The following TRAP1 variants were observed in gnomAD, a reference collection of about 807,000 sequenced individuals.
TRAP1 encodes TNF receptor associated protein 1.
Under a neutral mutation model 89.1 loss-of-function variants are expected in TRAP1, and 102 were observed. The ratio of observed to expected loss-of-function variants is 1.15; its 90% confidence interval spans 0.98 to 1.35. TRAP1 has a LOEUF of 1.35. Among genes scored for constraint, TRAP1 ranks in the 40% most tolerant of loss-of-function variants. TRAP1 has a pLI of 0.00. For synonymous variants in TRAP1, 508 were observed against 388.0 expected (o/e 1.31, Z -3.64); for missense variants, 1,256 against 945.3 (o/e 1.33, Z -4.31).
rs1200392201 is a variant in TRAP1, at chr16:3,676,024, G to A, written c.814+12C>T. On this transcript the variant is annotated intron_variant, in intron 7 of 17. Coordinates refer to ENST00000246957, the MANE Select transcript of TRAP1 (RefSeq NM_016292.3). ...GATCCCAGAGTGAGCCTGGGCCCGG[G>A]CTCCCGCTCACCTCGCACCCGGGCC... 2.5e-6 allele frequency: 4 copies of A among 1,607,416 alleles called. No individual in the cohort carries two copies. Among genetic ancestry groups the A allele is most frequent in the Non-Finnish European group, 3.4e-6 (4 of 1,176,344 alleles).
Position 3,676,026 on chromosome 16 carries a change from T to TC in TRAP1, c.814+9dup, listed in dbSNP as rs750698692. The TC allele has an allele frequency of 2.5e-6, 4 of 1,608,744 alleles. No homozygotes were observed. The highest frequency in any genetic ancestry group is 1.8e-4 in the Middle Eastern group (1 of 5,696). ...TCCCAGAGTGAGCCTGGGCCCGGGC[T>TC]CCCGCTCACCTCGCACCCGGGCCTC... On this transcript the variant is annotated intron_variant, in intron 7 of 17. Transcript: ENST00000246957.
In TRAP1 at chr16:3,674,356, A is replaced by T. The variant is rs749216245; in HGVS notation, c.1027T>A (p.Phe343Ile). The change falls in exon 9 of 18, where the codon TTC becomes ATC. Residue 343 changes from phenylalanine to isoleucine, a missense_variant. Coordinates refer to ENST00000246957, the MANE Select transcript of TRAP1 (RefSeq NM_016292.3). ...TGCCTCACCATGTCGGGCACGTAGA[A>T]GATGCTGCGGATGTTGAGCGGTGCG... ...TDAPLNIRSI[F>I]YVPDMKPSMF... The T allele has an allele frequency of 2.5e-6, 4 of 1,614,004 alleles. No homozygotes were observed. Among genetic ancestry groups the T allele is most frequent in the South Asian group, 2.2e-5 (2 of 91,086 alleles).
At chr16:3,698,863 G>C (rs1029124324) in intron 1 of TRAP1, among the ~76,000 whole-genome samples, 9 of 151,586 alleles carry the variant, frequency 5.9e-5, no homozygotes, top group South Asian at 2.1e-4. Context: ...TTCAGGGTGG[G>C]AGATGCAGCC....
intron 1 of TRAP1, among the ~76,000 whole-genome samples, chr16:3,693,131 TAG>T (rs1345890410): frequency 1.3e-5 from 2 of 151,766 alleles, no homozygotes; most frequent in African/African-American, 4.8e-5. Context: ...GTATTTTTAG[TAG>T]AGACGAGGTT....
intron 4 of TRAP1, among the ~76,000 whole-genome samples, chr16:3,683,349 C>T (rs561588311): frequency 2.0e-5 from 3 of 151,052 alleles, no homozygotes; most frequent in Non-Finnish European, 2.9e-5. Flanking sequence ...ATATCCATAC[C>T]GGTTGATTAA....
chr16:3,688,223 A>T (rs570920565), intron 3 of TRAP1, among the ~76,000 whole-genome samples: 7 of 150,888 alleles, frequency 4.6e-5, no homozygotes, highest in African/African-American at 1.7e-4. Context: ...CTGGTCTCAG[A>T]CTCCTGGACT....
At chr16:3,662,775 C>T (rs749246757) in intron 15 of TRAP1, 107 bp downstream of exon 15, 12 of 1,046,982 alleles carry the variant, frequency 1.1e-5, no homozygotes, top group Non-Finnish European at 1.5e-5. Flanking sequence ...AGGGCTTCTG[C>T]TGCTGCTGGA....
chr16:3,712,179 C>CTCA (rs2051540068), intron 1 of TRAP1, among the ~76,000 whole-genome samples: 1 of 148,738 alleles, frequency 6.7e-6, no homozygotes, highest in Non-Finnish European at 1.5e-5. Context: ...GTCCCAGCTA[C>CTCA]TCAGGAGGCT....
In TRAP1 at chr16:3,711,785, G is replaced by A. The variant is rs570258856; in HGVS notation, c.88+5636C>T. On this transcript the variant is annotated intron_variant, in intron 1 of 17. Coordinates refer to ENST00000246957, the MANE Select transcript of TRAP1 (RefSeq NM_016292.3). Reference sequence around the variant, plus strand: ...GAAATCTATTTTGTTAAATGCTGTGGAACTACAGGGAAGCCACTTTGTGGA... The same window carrying A: ...GAAATCTATTTTGTTAAATGCTGTGAAACTACAGGGAAGCCACTTTGTGGA... 1.4e-4 allele frequency among the ~76,000 whole-genome samples: 21 copies of A among 152,214 alleles called. 3 individuals are homozygous for A. Among genetic ancestry groups the A allele is most frequent in the African/African-American group, 4.6e-4 (19 of 41,540 alleles).
chr16:3,679,002 G>C (rs999343508), intron 5 of TRAP1, among the ~76,000 whole-genome samples: 2 of 152,168 alleles, frequency 1.3e-5, no homozygotes, highest in African/African-American at 4.8e-5. Context: ...CGGCGTCTGT[G>C]GGTTTGATGG....
chr16:3,700,925 C>G (rs1361089797), intron 1 of TRAP1, among the ~76,000 whole-genome samples: 1 of 152,014 alleles, frequency 6.6e-6, no homozygotes, highest in African/African-American at 2.4e-5. Context: ...AAATAAAAGG[C>G]AAATAATAAA....
rs767446988 is a variant in TRAP1 at position 3,683,574 on chromosome 16, T to TG, written c.471+2421dup. ...CTAATTTTTGTATTTTTATTAGAGA[T>TG]GGGGTTTCACCGTGCTGGCCAGGCT... On this transcript the variant is annotated intron_variant, in intron 4 of 17. Transcript: ENST00000246957. 2.0e-5 allele frequency among the ~76,000 whole-genome samples: 3 copies of TG among 151,614 alleles called. No individual in the cohort carries two copies. The South Asian group carries it at 6.3e-4, about 32-fold the overall frequency.
chr16:3,713,397 TGA>T (rs2051557852), intron 1 of TRAP1, among the ~76,000 whole-genome samples: 1 of 152,130 alleles, frequency 6.6e-6, no homozygotes, highest in Non-Finnish European at 1.5e-5. Flanking sequence ...AGCTAGTACT[TGA>T]GCCCTGAGCA....
At chr16:3,668,497 C>A (rs1013972125) in intron 11 of TRAP1, among the ~76,000 whole-genome samples, 1 of 152,162 alleles carries the variant, frequency 6.6e-6, no homozygotes, top group African/African-American at 2.4e-5. Context: ...GAAATGCACC[C>A]CAAAGGCATC....
chr16:3,681,555 C>T (rs561994036), intron 4 of TRAP1, among the ~76,000 whole-genome samples: 51 of 152,098 alleles, frequency 3.4e-4, no homozygotes, highest in African/African-American at 1.2e-3. Flanking sequence ...TCTGAGGTGC[C>T]GGTTTGAATA....
rs2043168313 is a variant in TRAP1, at chr16:3,662,924, G to C, written c.1752C>G (p.Ala584=). 1.9e-6 allele frequency: 3 copies of C among 1,613,018 alleles called. No individual in the cohort carries two copies. Among genetic ancestry groups the C allele is most frequent in the Admixed American group, 3.3e-5 (2 of 59,990 alleles). ...GCGACCCCAGCACATTTCTCATCCA[G>C]GCCATGAGCTCCTCCGTCTCCTTCT... ...LSEKETEELM[A]WMRNVLGSRV... is the part of the protein sequence containing the mutation. Residue 584 remains alanine, a synonymous_variant, in exon 15 of 18, where the codon GCC becomes GCG. Transcript: ENST00000246957.
At chr16:3,713,980 C>A (rs2051564913) in intron 1 of TRAP1, among the ~76,000 whole-genome samples, 1 of 152,216 alleles carries the variant, frequency 6.6e-6, no homozygotes, top group African/African-American at 2.4e-5. Flanking sequence ...GCCTCATTCA[C>A]CATCACTCCT....
intron 11 of TRAP1, among the ~76,000 whole-genome samples, chr16:3,669,081 T>C (rs2050875496): frequency 6.6e-6 from 1 of 152,170 alleles, no homozygotes; most frequent in Non-Finnish European, 1.5e-5. Flanking sequence ...TCCCCTCCTG[T>C]GGCCACTCCT....
chr16:3,677,220 C>T (rs972158266), intron 6 of TRAP1, among the ~76,000 whole-genome samples: 1 of 152,154 alleles, frequency 6.6e-6, no homozygotes, highest in Non-Finnish European at 1.5e-5. Context: ...AGGCGACAGG[C>T]CAGTCCTGCA....
Sources: gnomAD v4.1 joint callset for allele counts (sites outside exome capture counted in the v4.1 genomes callset) on GRCh38, gnomAD v4.1.1 for gene constraint, MANE v1.5 for transcripts, NCBI Gene and HGNC (gene_info 2026-07-23, HGNC 2026-07-21) for gene names.